APBB2: variants seen among roughly 807,000 people sequenced by gnomAD.
APBB2 encodes Fe65-like 1.
In APBB2, 38 loss-of-function variants were observed where a neutral mutation model predicts 82.5. The observed-to-expected ratio is 0.46, with a 90% CI of 0.36 to 0.60. The LOEUF (loss-of-function observed/expected upper bound fraction) is 0.60. APBB2 is among the 20% of genes least tolerant of loss of function. APBB2 has a pLI of 0.00. For missense variants in APBB2, 772 were observed against 972.3 expected, an observed-to-expected ratio of 0.79 and a Z score of 2.74; for synonymous variants, 341 against 368.2, an observed-to-expected ratio of 0.93 and a Z score of 0.85.
chr4:41,125,045 G>T (rs1315933406), intron 2 of APBB2, among the ~76,000 whole-genome samples: 1 of 152,186 alleles, frequency 6.6e-6, no homozygotes, highest in African/African-American at 2.4e-5. Flanking sequence ...TTCCTTTTAA[G>T]TACTTTCAAA....
rs1348218936 is a variant in APBB2, at chr4:41,061,466, A to G, written c.-51+4110T>C. 2.6e-5 allele frequency among the ~76,000 whole-genome samples: 4 copies of G among 152,218 alleles called. No homozygotes were observed. In the East Asian group the frequency reaches 5.8e-4, roughly 22 times the overall value. On this transcript the variant is annotated intron_variant, in intron 4 of 17. Transcript: ENST00000508593. The stretch of plus-strand genomic sequence containing the variant: ...GTGTTCCCAGGCTACAAACCTGTAC[A>G]GCGTGTTACTGTACTGAATACCGCA...
intron 1 of APBB2, among the ~76,000 whole-genome samples, chr4:41,146,446 G>A (rs1283681179): frequency 6.6e-6 from 1 of 151,154 alleles, no homozygotes; most frequent in Non-Finnish European, 1.5e-5. Context: ...GTGAGCTGAG[G>A]TCTCACCACT....
At chr4:40,943,644 C>T (rs189511064) in intron 7 of APBB2, among the ~76,000 whole-genome samples, 26 of 152,298 alleles carry the variant, frequency 1.7e-4, no homozygotes, top group Non-Finnish European at 2.1e-4. Context: ...GAACAAAAGG[C>T]TGAACAAAAA....
intron 12 of APBB2, among the ~76,000 whole-genome samples, chr4:40,854,763 T>G (rs1401288257): frequency 1.5e-5 from 2 of 133,842 alleles, no homozygotes; most frequent in African/African-American, 6.0e-5. Flanking sequence ...CACTCCAGCC[T>G]GGGCGATAAG....
intron 10 of APBB2, among the ~76,000 whole-genome samples, chr4:40,905,294 C>T (rs1776412011): frequency 6.6e-6 from 1 of 152,204 alleles, no homozygotes; most frequent in Non-Finnish European, 1.5e-5. Context: ...GCCAGGAATA[C>T]TAACCCCATC....
chr4:41,204,519 C>T (rs1290719893), intron 1 of APBB2, among the ~76,000 whole-genome samples: 1 of 152,198 alleles, frequency 6.6e-6, no homozygotes, highest in African/African-American at 2.4e-5. Context: ...CATCCCTTCT[C>T]CTGGAAGCTT....
At chr4:40,936,992 G>A (rs769803052) in intron 7 of APBB2, among the ~76,000 whole-genome samples, 30 of 152,106 alleles carry the variant, frequency 2.0e-4, no homozygotes, top group Non-Finnish European at 2.1e-4. Flanking sequence ...GACCACTGTA[G>A]GGCTACTAAT....
intron 3 of APBB2, among the ~76,000 whole-genome samples, chr4:41,083,547 G>A (rs1738461730): frequency 6.6e-6 from 1 of 151,758 alleles, no homozygotes; most frequent in African/African-American, 2.4e-5. Flanking sequence ...AATTAGCCGG[G>A]CACGGTAGCC....
chr4:40,983,564 A>G (rs1182517054), intron 6 of APBB2, among the ~76,000 whole-genome samples: 2 of 135,962 alleles, frequency 1.5e-5, no homozygotes, highest in African/African-American at 5.6e-5. Context: ...CTTAACGAAG[A>G]GTCCTGTTAA....
rs1036520866 is a variant in APBB2 at position 40,827,004 on chromosome 4, A to G, written c.1732+128T>C. ...CTGTGAGACCCAGCGTGCAGGCTCA[A>G]CTTGTGCTTACTGAGTTGAGTGTGC... On this transcript the variant is annotated intron_variant, in intron 14 of 17. Transcript: ENST00000508593. The G allele has an allele frequency of 8.5e-6, 7 of 819,674 alleles. No individual in the cohort carries two copies. The African/African-American group carries it at 1.0e-4, about 12-fold the overall frequency. 50.8% of individuals were successfully genotyped at this position (819,674 alleles called of 1,614,324 possible).
intron 12 of APBB2, among the ~76,000 whole-genome samples, chr4:40,859,335 A>G (rs930370079): frequency 2.7e-5 from 4 of 147,174 alleles, no homozygotes; most frequent in African/African-American, 1.0e-4. Flanking sequence ...AGTGGCCGCT[A>G]TCTTGGCTCA....
intron 2 of APBB2, among the ~76,000 whole-genome samples, chr4:41,105,884 T>A (rs750921841): frequency 7.0e-4 from 51 of 72,828 alleles, no homozygotes; most frequent in South Asian, 2.3e-3. Flanking sequence ...AGACCCCGTC[T>A]CAAAAAAAAA....
chr4:41,173,113 T>G (rs1768784349), intron 1 of APBB2, among the ~76,000 whole-genome samples: 1 of 152,184 alleles, frequency 6.6e-6, no homozygotes, highest in African/African-American at 2.4e-5. Context: ...ATAACTTCCA[T>G]GGGAACAAAG....
chr4:41,053,965 G>A (rs1289660244), intron 4 of APBB2, among the ~76,000 whole-genome samples: 1 of 152,176 alleles, frequency 6.6e-6, no homozygotes, highest in Non-Finnish European at 1.5e-5. Context: ...CATAACATCT[G>A]CGTCTTCATA....
At chr4:40,858,639 G>A (rs1184174457) in intron 12 of APBB2, among the ~76,000 whole-genome samples, 2 of 152,062 alleles carry the variant, frequency 1.3e-5, no homozygotes, top group African/African-American at 4.8e-5. Context: ...CACACCACAG[G>A]TGTACAGACA....
At chr4:41,011,760 G>A (rs566922188) in intron 6 of APBB2, among the ~76,000 whole-genome samples, 31 of 151,892 alleles carry the variant, frequency 2.0e-4, no homozygotes, top group Admixed American at 5.3e-4. Flanking sequence ...GCGGATCTAT[G>A]ACTCAAACAT....
chr4:40,874,829 C>A (rs889436803), intron 12 of APBB2, among the ~76,000 whole-genome samples: 2 of 152,158 alleles, frequency 1.3e-5, no homozygotes, highest in Non-Finnish European at 2.9e-5. Context: ...TCTTTAAACA[C>A]CAGTTACTAA....
At chr4:41,012,069 G>A (rs185414191) in intron 6 of APBB2, among the ~76,000 whole-genome samples, 1 of 151,890 alleles carries the variant, frequency 6.6e-6, no homozygotes, top group Non-Finnish European at 1.5e-5. Flanking sequence ...GGGTCTTACT[G>A]GTCTTGAACT....
chr4:40,909,346 G>T (rs1777934433), intron 10 of APBB2, among the ~76,000 whole-genome samples: 1 of 152,098 alleles, frequency 6.6e-6, no homozygotes, highest in East Asian at 1.9e-4. Context: ...CTAATGAAAG[G>T]GTTTGCTCTC....
Sources: gnomAD v4.1 joint callset for allele counts (sites outside exome capture counted in the v4.1 genomes callset) on GRCh38, gnomAD v4.1.1 for gene constraint, MANE v1.5 for transcripts, NCBI Gene and HGNC (gene_info 2026-07-23, HGNC 2026-07-21) for gene names.